Variants in KLHL1 observed in about 807,000 individuals in gnomAD.
KLHL1 encodes kelch-like protein 1.
Under a neutral mutation model 77.7 loss-of-function variants are expected in KLHL1, and 47 were observed. That is an observed-to-expected ratio of 0.60 (90% confidence interval 0.48 to 0.77). The LOEUF (loss-of-function observed/expected upper bound fraction) is 0.77, where lower values mean the gene tolerates loss of function less well. Among genes scored for constraint, KLHL1 ranks in the 30% least tolerant of loss-of-function variants. The probability of loss-of-function intolerance (pLI) is 0.00; values close to 1 mark genes in which losing one functional copy is unlikely to be tolerated. For missense variants in KLHL1, 925 were observed against 910.8 expected, an observed-to-expected ratio of 1.02 and a Z score of -0.20; for synonymous variants, 360 against 325.2, an observed-to-expected ratio of 1.11 and a Z score of -1.15.
intron 1 of KLHL1, among the ~76,000 whole-genome samples, chr13:70,104,245 AG>A (rs2137458345): frequency 6.6e-6 from 1 of 152,282 alleles, no homozygotes; most frequent in South Asian, 2.1e-4. Flanking sequence ...TTATAGGAAA[AG>A]TATTGTTTAT....
At chr13:69,837,163 C>A (rs1879030710) in intron 6 of KLHL1, among the ~76,000 whole-genome samples, 1 of 151,550 alleles carries the variant, frequency 6.6e-6, no homozygotes, top group Non-Finnish European at 1.5e-5. Context: ...TAGCTTATAC[C>A]TCACAACGGC....
At chr13:70,101,950 C>CAAAA (rs553460889) in intron 1 of KLHL1, among the ~76,000 whole-genome samples, 3,638 of 128,788 alleles carry the variant, frequency 0.028, 111 homozygotes, top group African/African-American at 0.078. Context: ...GATAAAGTAG[C>CAAAA]AAAAAAAAAA....
chr13:69,739,746 G>A (rs1264957446), intron 8 of KLHL1, among the ~76,000 whole-genome samples: 1 of 152,190 alleles, frequency 6.6e-6, no homozygotes, highest in Non-Finnish European at 1.5e-5. Context: ...TAAAAGATCA[G>A]ACTAGAAGCT....
intron 4 of KLHL1, among the ~76,000 whole-genome samples, chr13:69,892,723 T>C (rs1035307872): frequency 6.6e-6 from 1 of 152,220 alleles, no homozygotes; most frequent in Admixed American, 6.5e-5. Flanking sequence ...GCCTGTTATA[T>C]GCATAATCAG....
intron 1 of KLHL1, among the ~76,000 whole-genome samples, chr13:70,018,291 A>G (rs951453673): frequency 6.6e-6 from 1 of 152,182 alleles, no homozygotes; most frequent in African/African-American, 2.4e-5. Context: ...TAAATGGAAG[A>G]TAAAATAAAT....
At position 70,036,453 on chromosome 13, in the gene KLHL1, G is replaced by A. The variant is rs540073493; in HGVS notation, c.498-60651C>T. 2.0e-5 allele frequency among the ~76,000 whole-genome samples: 3 copies of A among 151,814 alleles called. 1 individual carries two copies. The South Asian group carries it at 6.2e-4, about 31-fold the overall frequency. On this transcript the variant is annotated intron_variant, in intron 1 of 10. Transcript: ENST00000377844. ...CCAAATATAATAACTATCCTGATTA[G>A]TTTTGTAACAATTAGTTTTCCAATC... is the stretch of plus-strand genomic sequence containing the variant.
At position 70,107,464 on chromosome 13, in the gene KLHL1, G is replaced by A; in HGVS notation, c.236C>T (p.Ser79Leu). ...AGAGGAGGAAGAGGACGGGGAGGAC[G>A]ATGAAGAGGAAGAGGAGGAAGGCTT... The part of the protein sequence containing the change: ...WKKPSSSSSS[S>L]SSPSSSSSSF... Residue 79 changes from serine to leucine, a missense_variant, in exon 1 of 11, where the codon TCG becomes TTG. Physicochemically the swap from Ser to Leu is moderately radical, Grantham distance 145. Transcript: ENST00000377844. 6.2e-7 allele frequency: 1 copy of A among 1,614,100 alleles called. No homozygotes were observed. The highest frequency in any genetic ancestry group is 8.5e-7 in the Non-Finnish European group (1 of 1,179,994).
chr13:69,981,173 A>G (rs574619957), intron 1 of KLHL1, among the ~76,000 whole-genome samples: 36 of 152,282 alleles, frequency 2.4e-4, no homozygotes, highest in African/African-American at 8.2e-4. Context: ...ACCAGAATAC[A>G]TACTTCCTTG....
At chr13:69,985,910 TTA>T (rs59514285) in intron 1 of KLHL1, among the ~76,000 whole-genome samples, 1 of 146,748 alleles carries the variant, frequency 6.8e-6, no homozygotes, top group Non-Finnish European at 1.5e-5. Context: ...TATATGTAAG[TTA>T]TATATATATG....
chr13:69,794,851 C>T (rs951768381), intron 7 of KLHL1, among the ~76,000 whole-genome samples: 2 of 152,006 alleles, frequency 1.3e-5, no homozygotes, highest in Non-Finnish European at 2.9e-5. Context: ...TTAAAGTTAC[C>T]TCTCAGGAAA....
chr13:69,945,781 C>A (rs1027425506), intron 3 of KLHL1, among the ~76,000 whole-genome samples: 17 of 152,056 alleles, frequency 1.1e-4, no homozygotes, highest in Non-Finnish European at 2.9e-5. Context: ...AACAATTCTG[C>A]AGTTTTATCT....
intron 1 of KLHL1, among the ~76,000 whole-genome samples, chr13:69,989,806 G>T (rs1884979755): frequency 6.6e-6 from 1 of 151,894 alleles, no homozygotes; most frequent in Non-Finnish European, 1.5e-5. Context: ...TTTGTATATT[G>T]ATTTTGTATT....
At chr13:69,953,279 C>CATG (rs79612239) in intron 3 of KLHL1, among the ~76,000 whole-genome samples, 20,947 of 151,022 alleles carry the variant, frequency 0.14, 2,376 homozygotes, top group African/African-American at 0.29. Flanking sequence ...TCAGGCTACT[C>CATG]ATTTGATGTA....
intron 1 of KLHL1, among the ~76,000 whole-genome samples, chr13:70,085,227 G>A (rs947433336): frequency 1.3e-5 from 2 of 152,190 alleles, no homozygotes; most frequent in African/African-American, 4.8e-5. Flanking sequence ...AAGAGACAGA[G>A]AGAGAGAGAA....
intron 4 of KLHL1, among the ~76,000 whole-genome samples, chr13:69,937,073 A>G (rs945669340): frequency 4.6e-5 from 7 of 152,182 alleles, no homozygotes; most frequent in African/African-American, 1.7e-4. Flanking sequence ...CTGGATAAAA[A>G]TGTTCCACGT....
At chr13:69,919,182 T>C (rs1399529618) in intron 4 of KLHL1, among the ~76,000 whole-genome samples, 2 of 152,176 alleles carry the variant, frequency 1.3e-5, no homozygotes, top group Non-Finnish European at 2.9e-5. Flanking sequence ...AAAAGAAACA[T>C]AGAAACGGTA....
intron 4 of KLHL1, among the ~76,000 whole-genome samples, chr13:69,905,818 C>T (rs999985431): frequency 6.6e-6 from 1 of 151,978 alleles, no homozygotes; most frequent in Admixed American, 6.6e-5. Context: ...AGTTTATGCT[C>T]AGGATCACAC....
intron 3 of KLHL1, among the ~76,000 whole-genome samples, chr13:69,945,665 A>G (rs926052013): frequency 1.3e-5 from 2 of 152,314 alleles, no homozygotes; most frequent in Middle Eastern, 3.4e-3. Flanking sequence ...AAAATGCTCA[A>G]TATTATCAGT....
chr13:70,052,595 T>C (rs1015991010), intron 1 of KLHL1, among the ~76,000 whole-genome samples: 4 of 151,958 alleles, frequency 2.6e-5, no homozygotes, highest in Admixed American at 6.6e-5. Flanking sequence ...AAGTATATTT[T>C]GAATAGCTAA....
Sources: gnomAD v4.1 joint callset for allele counts (sites outside exome capture counted in the v4.1 genomes callset) on GRCh38, gnomAD v4.1.1 for gene constraint, MANE v1.5 for transcripts, NCBI Gene and HGNC (gene_info 2026-07-23, HGNC 2026-07-21) for gene names.